The following TBCD variants were observed in gnomAD, a reference collection of about 807,000 sequenced individuals.
TBCD encodes tubulin-specific chaperone D.
TBCD carries 105 observed loss-of-function variants against 169.3 expected under a neutral mutation model. The ratio of observed to expected loss-of-function variants is 0.62; its 90% CI spans 0.53 to 0.73. The LOEUF is 0.73. Ranked by LOEUF, TBCD falls within the 30% of genes least tolerant of loss-of-function variation. TBCD has a pLI of 0.00. For synonymous variants in TBCD, 700 were observed against 643.9 expected, an observed-to-expected ratio of 1.09 and a Z score of -1.32; for missense variants, 1,444 against 1,600.1, an observed-to-expected ratio of 0.90 and a Z score of 1.66.
At position 82,938,169 on chromosome 17, in the gene TBCD, C is replaced by T. The variant is rs774247217; in HGVS notation, c.3369+33C>T. The T allele has an allele frequency of 2.4e-5, 39 of 1,594,018 alleles. 1 individual carries two copies. Among genetic ancestry groups the T allele is most frequent in the Middle Eastern group, 2.2e-4 (1 of 4,476 alleles). ...CCTGCCCCTGCTCACGTGTGTTTGCCGTGTGGACACAAGCCCCTCAGTGAC... is the reference window on the plus strand; with the variant it reads ...CCTGCCCCTGCTCACGTGTGTTTGCTGTGTGGACACAAGCCCCTCAGTGAC... On this transcript the variant is annotated intron_variant, in intron 36 of 38. Coordinates refer to ENST00000355528, the MANE Select transcript of TBCD (RefSeq NM_005993.5).
chr17:82,804,503 C>T (rs1329633553), intron 9 of TBCD, among the ~76,000 whole-genome samples: 1 of 152,190 alleles, frequency 6.6e-6, no homozygotes, highest in African/African-American at 2.4e-5. Flanking sequence ...TTCTTGAAGG[C>T]GCCGGCCTGG....
At chr17:82,776,723 A>T (rs1006617124) in intron 6 of TBCD, among the ~76,000 whole-genome samples, 1 of 152,112 alleles carries the variant, frequency 6.6e-6, no homozygotes, top group Non-Finnish European at 1.5e-5. Flanking sequence ...TTTCGTGAGG[A>T]TGGGCCCTTA....
At chr17:82,847,058 T>C (rs1200427168) in intron 13 of TBCD, among the ~76,000 whole-genome samples, 1 of 152,118 alleles carries the variant, frequency 6.6e-6, no homozygotes, top group Non-Finnish European at 1.5e-5. Context: ...GGTTTCTCAT[T>C]AAAAAGAAAC....
chr17:82,815,199 C>T (rs1429324804), intron 13 of TBCD, among the ~76,000 whole-genome samples: 3 of 152,206 alleles, frequency 2.0e-5, no homozygotes, highest in Non-Finnish European at 4.4e-5. Context: ...CTAATTGCCT[C>T]TTTTGTCTGC....
At chr17:82,917,364 G>A (rs1454541717) in intron 23 of TBCD, among the ~76,000 whole-genome samples, 1 of 151,920 alleles carries the variant, frequency 6.6e-6, no homozygotes, top group African/African-American at 2.4e-5. Context: ...GCCGTTAAAC[G>A]CATCCTTGAA....
Position 82,941,310 on chromosome 17 carries a change from C to T in TBCD, c.3480-89C>T, listed in dbSNP as rs112387396. ...GGGTGAGGTCTCCTTTCCCTGACTG[C>T]GGCCATGGAAGCTTGACGCGGGACC... On this transcript the variant is annotated intron_variant, in intron 37 of 38. Transcript: ENST00000355528. 5.7e-5 allele frequency: 65 copies of T among 1,145,434 alleles called. No individual in the cohort carries two copies. In the Middle Eastern group the frequency reaches 6.0e-4, roughly 11 times the overall value. The allele number at this position is 1,145,434 out of a possible 1,614,324, so 71.0% of individuals were successfully genotyped here. A position where few individuals can be genotyped will look rare whatever the true frequency, so the allele number is the denominator to read the frequency against.
intron 27 of TBCD, among the ~76,000 whole-genome samples, chr17:82,925,906 CCG>C (rs1381486183): frequency 1.6e-4 from 24 of 150,666 alleles, no homozygotes; most frequent in Non-Finnish European, 1.6e-4. Context: ...TGGGGGCTGG[CCG>C]TGGAGAGGCT....
intron 13 of TBCD, among the ~76,000 whole-genome samples, chr17:82,840,840 A>G (rs2054420615): frequency 6.6e-6 from 1 of 151,268 alleles, no homozygotes; most frequent in South Asian, 2.1e-4. Context: ...CGGTTTGAGG[A>G]CTGGGAAAGG....
chr17:82,914,567 T>C lies in TBCD; in HGVS notation c.2038+2778T>C, dbSNP rs556807403. Among the ~76,000 whole-genome samples the C allele has an allele frequency of 3.3e-5, 5 of 152,256 alleles. No individual in the cohort carries two copies. The South Asian group carries it at 1.0e-3, about 32-fold the overall frequency. The stretch of plus-strand genomic sequence containing the variant: ...AGTGCAAACGCGGCACTCCTGCACA[T>C]GTCGCCTCGCACCGTGGCGGGCGTG... On this transcript the variant is annotated intron_variant, in intron 23 of 38. Coordinates refer to ENST00000355528, the MANE Select transcript of TBCD (RefSeq NM_005993.5).
rs2060971225 is a variant in TBCD, at chr17:82,915,570, T to C, written c.2038+3781T>C. Among the ~76,000 whole-genome samples, 2 of 152,152 alleles carry C rather than the reference T, an allele frequency of 1.3e-5. No individual in the cohort carries two copies. Among genetic ancestry groups the C allele is most frequent in the African/African-American group, 4.8e-5 (2 of 41,436 alleles). ...GGAACTCTGTTTAGTGAAGCAGCGA[T>C]GAAGGAGGGGTTTGTCAGTCAGGGT... On this transcript the variant is annotated intron_variant, in intron 23 of 38. Coordinates refer to ENST00000355528, the MANE Select transcript of TBCD (RefSeq NM_005993.5). This position sits in a 1 kb window ranked among gnomAD's most constrained non-coding sequence, Gnocchi z 4.3.
intron 11 of TBCD, among the ~76,000 whole-genome samples, chr17:82,808,160 C>T (rs980581473): frequency 6.6e-6 from 1 of 152,190 alleles, no homozygotes; most frequent in African/African-American, 2.4e-5. Flanking sequence ...GGGGCCTGGC[C>T]TTGAACACAA....
At chr17:82,775,349 T>TA (rs1200497759) in intron 6 of TBCD, among the ~76,000 whole-genome samples, 1 of 152,262 alleles carries the variant, frequency 6.6e-6, no homozygotes, top group African/African-American at 2.4e-5. Context: ...GAAGAGCTCT[T>TA]ACAGGTGCTT....
intron 21 of TBCD, chr17:82,908,381 C>G (rs1004161533): frequency 6.6e-6 from 3 of 456,458 alleles, no homozygotes; most frequent in Admixed American, 4.7e-5. Context: ...TCTGGGGAGA[C>G]AGTGTGTTCA....
intron 5 of TBCD, among the ~76,000 whole-genome samples, chr17:82,770,099 T>G (rs1401876922): frequency 6.6e-6 from 1 of 152,200 alleles, no homozygotes; most frequent in South Asian, 2.1e-4. Flanking sequence ...ATCTGGAGTC[T>G]GTGCTCTTCA....
chr17:82,941,832 T>G (rs942165308), intron 38 of TBCD: 7 of 319,388 alleles, frequency 2.2e-5, no homozygotes, highest in Non-Finnish European at 4.0e-5. Context: ...CTGCTTCCCA[T>G]GAGTGGGGCC....
chr17:82,906,756 C>T (rs1283457498), intron 20 of TBCD, among the ~76,000 whole-genome samples: 2 of 152,392 alleles, frequency 1.3e-5, no homozygotes, highest in South Asian at 2.1e-4. Flanking sequence ...TATGGGCCCA[C>T]CTCCCGCCCA....
intron 8 of TBCD, among the ~76,000 whole-genome samples, chr17:82,800,504 A>C (rs1385149875): frequency 6.6e-6 from 1 of 151,236 alleles, no homozygotes; most frequent in African/African-American, 2.4e-5. Context: ...CCCCGGCCAC[A>C]GCATGCCCGT....
At chr17:82,840,354 C>T (rs2054365721) in intron 13 of TBCD, 1 of 152,276 alleles carries the variant, frequency 6.6e-6, no homozygotes, top group African/African-American at 2.4e-5. Flanking sequence ...ATGATAAAGA[C>T]ATGTGAGACT....
intron 33 of TBCD, chr17:82,932,206 T>A: frequency 4.1e-6 from 1 of 241,372 alleles, no homozygotes; most frequent in Non-Finnish European, 8.2e-6. Flanking sequence ...AGAAGATTTA[T>A]AGTTTTGGGT....
Sources: allele counts gnomAD v4.1 joint callset (sites outside exome capture counted in the v4.1 genomes callset), GRCh38; gene constraint gnomAD v4.1.1; non-coding constraint Gnocchi (gnomAD v3.1); transcripts MANE v1.5; gene names NCBI Gene and HGNC (gene_info 2026-07-23, HGNC 2026-07-21).